Variants in RAD51B observed in about 807,000 individuals in gnomAD.
RAD51B encodes DNA repair protein RAD51 homolog 2.
A neutral mutation model predicts 42.2 loss-of-function variants in RAD51B; 38 were observed. That is an observed-to-expected ratio of 0.90 (90% CI 0.70 to 1.18). RAD51B has a LOEUF of 1.18. Among genes scored for constraint, RAD51B ranks in the 50% most tolerant of loss-of-function variants. The pLI, the probability that RAD51B is intolerant of heterozygous loss-of-function variation, is 0.00. For missense variants in RAD51B, 373 were observed against 400.7 expected (o/e 0.93, Z 0.59); for synonymous variants, 154 against 145.2 (o/e 1.06, Z -0.43).
At chr14:67,980,923 G>A (rs890688306) in intron 7 of RAD51B, among the ~76,000 whole-genome samples, 5 of 152,112 alleles carry the variant, frequency 3.3e-5, no homozygotes, top group African/African-American at 1.2e-4. Flanking sequence ...CTCTTGAAAA[G>A]AGAATGAGAA....
At chr14:68,531,041 AT>A (rs1313921921) in intron 10 of RAD51B, among the ~76,000 whole-genome samples, 1 of 152,088 alleles carries the variant, frequency 6.6e-6, no homozygotes, top group African/African-American at 2.4e-5. Flanking sequence ...TTAAATGTGT[AT>A]GGTAAAACTT....
At chr14:68,022,275 A>G (rs1475506369) in intron 7 of RAD51B, among the ~76,000 whole-genome samples, 3 of 152,080 alleles carry the variant, frequency 2.0e-5, no homozygotes, top group African/African-American at 4.8e-5. Flanking sequence ...ATTCTTTTAC[A>G]TGGCTGTGTA....
At chr14:68,119,172 A>T (rs952522717) in intron 7 of RAD51B, among the ~76,000 whole-genome samples, 1 of 151,368 alleles carries the variant, frequency 6.6e-6, no homozygotes, top group African/African-American at 2.4e-5. Flanking sequence ...CTGAGACTAT[A>T]GGCACGTGCC....
intron 9 of RAD51B, among the ~76,000 whole-genome samples, chr14:68,432,298 G>C (rs2085030461): frequency 6.6e-6 from 1 of 152,088 alleles, no homozygotes; most frequent in African/African-American, 2.4e-5. Flanking sequence ...TCAATTCCTG[G>C]ATATCCTAGT....
At chr14:68,444,968 G>A (rs921205696) in intron 9 of RAD51B, among the ~76,000 whole-genome samples, 1 of 152,226 alleles carries the variant, frequency 6.6e-6, no homozygotes, top group African/African-American at 2.4e-5. Flanking sequence ...TGGCTTGGCA[G>A]TAGACAAAGC....
At chr14:67,999,664 G>A (rs1329200616) in intron 7 of RAD51B, among the ~76,000 whole-genome samples, 1 of 152,158 alleles carries the variant, frequency 6.6e-6, no homozygotes, top group African/African-American at 2.4e-5. Flanking sequence ...CTTCTGAGAA[G>A]GTTAAATTAA....
chr14:68,016,575 T>C (rs1455724586), intron 7 of RAD51B, among the ~76,000 whole-genome samples: 2 of 152,234 alleles, frequency 1.3e-5, no homozygotes, highest in African/African-American at 2.4e-5. Context: ...CTTTAAATGA[T>C]GGCTGTGTTT....
At chr14:68,470,032 GA>G (rs1352440415) in intron 10 of RAD51B, among the ~76,000 whole-genome samples, 1 of 152,168 alleles carries the variant, frequency 6.6e-6, no homozygotes, top group Non-Finnish European at 1.5e-5. Context: ...GTAGAGCCTG[GA>G]AATACAATGA....
rs548259936 is a variant in RAD51B, at chr14:68,527,168, A to G, written c.1036+58918A>G. Reference sequence around the variant, plus strand: ...AACGAAACAAAATGAAAAAGCCTACATGCTCTTTGGTATTGTTGGGACTGA... The same window carrying G: ...AACGAAACAAAATGAAAAAGCCTACGTGCTCTTTGGTATTGTTGGGACTGA... On this transcript the variant is annotated intron_variant, in intron 10 of 10. Coordinates refer to the RAD51B transcript ENST00000487270. 9.2e-5 allele frequency among the ~76,000 whole-genome samples: 14 copies of G among 152,326 alleles called. No homozygotes were observed. The South Asian group carries it at 2.3e-3, about 25-fold the overall frequency.
chr14:68,613,140 G>T (rs923775141), downstream of RAD51B, among the ~76,000 whole-genome samples: 9 of 152,198 alleles, frequency 5.9e-5, no homozygotes, highest in Non-Finnish European at 1.3e-4. Context: ...TGGAGGCCAG[G>T]CGTGGTGGCT....
At chr14:68,037,284 C>T (rs955318750) in intron 7 of RAD51B, among the ~76,000 whole-genome samples, 7 of 147,356 alleles carry the variant, frequency 4.8e-5, no homozygotes, top group African/African-American at 1.8e-4. Flanking sequence ...TGCAGTGGCA[C>T]GCTCTCGCTC....
At chr14:68,668,926 A>C (rs545235800) in intron 11 of RAD51B, among the ~76,000 whole-genome samples, 1 of 152,186 alleles carries the variant, frequency 6.6e-6, no homozygotes, top group African/African-American at 2.4e-5. Flanking sequence ...TTCCCGAAAG[A>C]CCTTTTACAG....
At chr14:68,034,975 G>A (rs1324680304) in intron 7 of RAD51B, among the ~76,000 whole-genome samples, 1 of 152,092 alleles carries the variant, frequency 6.6e-6, no homozygotes, top group Non-Finnish European at 1.5e-5. Context: ...ATTAACTTTG[G>A]TCTTCCAAAC....
chr14:68,476,278 G>A (rs1025894271), intron 10 of RAD51B, among the ~76,000 whole-genome samples: 5 of 152,146 alleles, frequency 3.3e-5, no homozygotes, highest in African/African-American at 7.2e-5. Flanking sequence ...GACAAAAACC[G>A]CATTCCATTG....
intron 7 of RAD51B, among the ~76,000 whole-genome samples, chr14:67,977,748 T>C (rs2075022416): frequency 6.6e-6 from 1 of 152,228 alleles, no homozygotes; most frequent in Non-Finnish European, 1.5e-5. Flanking sequence ...TAAGTACACC[T>C]ACTGCCTAAA....
At chr14:68,125,645 T>C (rs2077741479) in intron 7 of RAD51B, among the ~76,000 whole-genome samples, 2 of 152,172 alleles carry the variant, frequency 1.3e-5, no homozygotes. Flanking sequence ...TTGACTGTGG[T>C]CAGTTTAGTT....
At chr14:68,610,989 A>C (rs1332007925) in intron 10 of RAD51B, 1 of 701,818 alleles carries the variant, frequency 1.4e-6, no homozygotes, top group South Asian at 1.5e-5. Flanking sequence ...ATCTGATCTT[A>C]TTCTCTCATT....
chr14:68,671,084 T>G (rs1893146989), intron 11 of RAD51B, among the ~76,000 whole-genome samples: 1 of 152,174 alleles, frequency 6.6e-6, no homozygotes, highest in Non-Finnish European at 1.5e-5. Context: ...CTTCCCAGTC[T>G]AGCTCTGTTG....
intron 7 of RAD51B, among the ~76,000 whole-genome samples, chr14:67,977,550 C>T (rs992590003): frequency 1.3e-5 from 2 of 152,224 alleles, no homozygotes; most frequent in Non-Finnish European, 2.9e-5. Context: ...TAGCCTGCTT[C>T]AGCTATGGGC....
Sources: gnomAD v4.1 joint callset for allele counts (sites outside exome capture counted in the v4.1 genomes callset) on GRCh38, gnomAD v4.1.1 for gene constraint, MANE v1.5 for transcripts, NCBI Gene and HGNC (gene_info 2026-07-23, HGNC 2026-07-21) for gene names.